Variants in ITFG2 observed in about 807,000 individuals in gnomAD.
ITFG2 encodes the protein integrin alpha FG-GAP repeat containing 2.
ITFG2 carries 36 observed loss-of-function variants against 54.4 expected under a neutral mutation model. The ratio of observed to expected loss-of-function variants is 0.66; its 90% CI spans 0.51 to 0.87. The LOEUF (loss-of-function observed/expected upper bound fraction) is 0.87, where lower values mean the gene tolerates loss of function less well. Among genes scored for constraint, ITFG2 ranks in the 40% least tolerant of loss-of-function variants. The pLI is 0.00. For synonymous variants in ITFG2, 211 were observed against 225.4 expected (o/e 0.94, Z 0.57); for missense variants, 524 against 576.7 (o/e 0.91, Z 0.94).
intron 1 of ITFG2, among the ~76,000 whole-genome samples, chr12:2,838,505 G>T (rs1442389763): frequency 1.3e-5 from 2 of 152,154 alleles, no homozygotes; most frequent in African/African-American, 4.8e-5. Flanking sequence ...ATAGAATGGA[G>T]ACTTTGGAGT....
chr12:2,841,292 C>T (rs546092969), intron 2 of ITFG2, among the ~76,000 whole-genome samples: 1 of 152,338 alleles, frequency 6.6e-6, no homozygotes, highest in Non-Finnish European at 1.5e-5. Context: ...TGGGTTCCCT[C>T]TGCAGAACGG....
chr12:2,859,784 GAATACGATGT>G, exon 4 of ITFG2: 3 of 722,070 alleles, frequency 4.2e-6, no homozygotes, highest in South Asian at 5.8e-5. Flanking sequence ...TTAAATATGA[GAATACGATGT>G]ATGTTGAAGT....
At chr12:2,846,092 A>AG (rs1376143239) in intron 2 of ITFG2, among the ~76,000 whole-genome samples, 1 of 152,098 alleles carries the variant, frequency 6.6e-6, no homozygotes, top group Non-Finnish European at 1.5e-5. Context: ...TGCTGGAGCT[A>AG]GGGGGCGCCA....
chr12:2,815,057 T>G (rs531766823), intron 1 of ITFG2, among the ~76,000 whole-genome samples: 1 of 152,064 alleles, frequency 6.6e-6, no homozygotes, highest in South Asian at 2.1e-4. Context: ...CACTGCAACC[T>G]CTGCCTCCCA....
chr12:2,818,879 A>G lies in ITFG2; in HGVS notation c.406+602A>G, dbSNP rs547840698. 7.2e-5 allele frequency among the ~76,000 whole-genome samples: 11 copies of G among 152,048 alleles called. No homozygotes were observed. In the South Asian group the frequency reaches 8.3e-4, roughly 11 times the overall value. On this transcript the variant is annotated intron_variant, in intron 4 of 11. Transcript: ENST00000228799. The stretch of plus-strand genomic sequence containing the variant: ...CTAAAAATACAAAAAGTAGCCAGGC[A>G]TGGTGGCAGGCACCTGTTATCCCAG...
chr12:2,837,317 A>C (rs1399122664), intron 1 of ITFG2, among the ~76,000 whole-genome samples: 1 of 152,078 alleles, frequency 6.6e-6, no homozygotes, highest in Non-Finnish European at 1.5e-5. Flanking sequence ...CTCTACTAAA[A>C]ATACAAAAAA....
chr12:2,843,084 C>T (rs2098045254), intron 2 of ITFG2, among the ~76,000 whole-genome samples: 1 of 152,204 alleles, frequency 6.6e-6, no homozygotes, highest in African/African-American at 2.4e-5. Flanking sequence ...CCAGTGAAAT[C>T]ACCCAGTCCA....
At chr12:2,858,625 C>A (rs747493254) in intron 3 of ITFG2, 2 of 1,607,752 alleles carry the variant, frequency 1.2e-6, no homozygotes, top group South Asian at 1.1e-5. Context: ...AGCACAGGGG[C>A]AAGGGCAGGG....
intron 2 of ITFG2, among the ~76,000 whole-genome samples, chr12:2,850,504 C>T (rs1457304070): frequency 6.6e-6 from 1 of 151,304 alleles, no homozygotes; most frequent in East Asian, 1.9e-4. Flanking sequence ...AATGGGGCCC[C>T]AGGTCATGAT....
exon 4 of ITFG2, chr12:2,859,666 G>C (rs780450250): frequency 6.3e-7 from 1 of 1,599,032 alleles, no homozygotes; most frequent in Admixed American, 1.7e-5. Context: ...AGCAGCACCT[G>C]AAAGGGAAAC....
At chr12:2,848,443 C>T (rs888971315) in intron 2 of ITFG2, among the ~76,000 whole-genome samples, 2 of 152,208 alleles carry the variant, frequency 1.3e-5, no homozygotes, top group Admixed American at 1.3e-4. Context: ...AAGCTGAGGC[C>T]CAAGGCCTCT....
chr12:2,828,152 A>ACCTC, downstream of ITFG2: 1 of 1,224,640 alleles, frequency 8.2e-7, no homozygotes, highest in Non-Finnish European at 1.2e-6. Flanking sequence ...CCAACCCCTG[A>ACCTC]CCTCACGTGG....
intron 1 of ITFG2, among the ~76,000 whole-genome samples, chr12:2,837,432 C>T (rs1426609793): frequency 6.6e-6 from 1 of 151,420 alleles, no homozygotes; most frequent in Non-Finnish European, 1.5e-5. Flanking sequence ...GAGCCGAGAT[C>T]ACGCCACTGC....
chr12:2,847,317 T>A (rs1249467680), intron 2 of ITFG2, among the ~76,000 whole-genome samples: 1 of 152,192 alleles, frequency 6.6e-6, no homozygotes, highest in African/African-American at 2.4e-5. Flanking sequence ...CTGTCTGTTT[T>A]CAGAACTTTG....
At chr12:2,847,397 G>T (rs1391697280) in intron 2 of ITFG2, among the ~76,000 whole-genome samples, 2 of 152,076 alleles carry the variant, frequency 1.3e-5, no homozygotes, top group African/African-American at 2.4e-5. Context: ...GGTGGCTCAC[G>T]CCTGTAATCC....
At chr12:2,830,886 G>C in exon 3 of ITFG2, 1 of 1,606,966 alleles carries the variant, frequency 6.2e-7, no homozygotes, top group Non-Finnish European at 8.5e-7. Flanking sequence ...AACAATGAAG[G>C]TAGGCAGTTC....
intron 2 of ITFG2, chr12:2,854,892 T>C: frequency 6.5e-7 from 1 of 1,530,976 alleles, no homozygotes; most frequent in Non-Finnish European, 8.7e-7. Context: ...AGGCACCGTC[T>C]TACTTCTTGA....
In ITFG2 at chr12:2,839,411, A is replaced by C. The variant is rs796135844; in HGVS notation, n.147-1431A>C. On this transcript the variant is annotated intron_variant and non_coding_transcript_variant, in intron 1 of 3. Coordinates refer to the ITFG2 transcript ENST00000537710. ...GATTAAGCAATTCTGAACCGTTAGG[A>C]GTAGAAGAAGTGAGCGTATTCTCGT... 2.0e-5 allele frequency among the ~76,000 whole-genome samples: 3 copies of C among 152,334 alleles called. No homozygotes were observed. The South Asian group carries it at 6.2e-4, about 32-fold the overall frequency.
chr12:2,835,598 T>C (rs1188500231), upstream of ITFG2: 1 of 152,148 alleles, frequency 6.6e-6, no homozygotes, highest in East Asian at 1.9e-4. Context: ...TTCCCACGAG[T>C]AGAAATTGTC....
Sources: gnomAD v4.1 joint callset for allele counts (sites outside exome capture counted in the v4.1 genomes callset) on GRCh38, gnomAD v4.1.1 for gene constraint, MANE v1.5 for transcripts, NCBI Gene and HGNC (gene_info 2026-07-23, HGNC 2026-07-21) for gene names.